Variants in CECR2 observed in about 807,000 individuals in gnomAD.
CECR2 encodes the protein chromatin remodeling regulator CECR2.
A neutral mutation model predicts 154.5 loss-of-function variants in CECR2; 30 were observed. That is an observed-to-expected ratio of 0.19 (90% CI 0.15 to 0.26). The LOEUF (loss-of-function observed/expected upper bound fraction) is 0.26, where lower values mean the gene tolerates loss of function less well. CECR2 is among the 10% of genes least tolerant of loss of function. The probability of loss-of-function intolerance (pLI) is 1.00; values close to 1 mark genes in which losing one functional copy is unlikely to be tolerated. For missense variants in CECR2, 1,743 were observed against 1,829.3 expected (o/e 0.95, Z 0.86); for synonymous variants, 725 against 683.7 (o/e 1.06, Z -0.94).
intron 1 of CECR2, among the ~76,000 whole-genome samples, chr22:17,396,048 G>A (rs2053804563): frequency 1.4e-5 from 2 of 147,708 alleles, no homozygotes; most frequent in Non-Finnish European, 1.5e-5. Context: ...GAGACCAGTC[G>A]GGGCAATATA....
At chr22:17,480,973 G>A (rs1601428698) in intron 2 of CECR2, among the ~76,000 whole-genome samples, 1 of 150,402 alleles carries the variant, frequency 6.6e-6, no homozygotes, top group Non-Finnish European at 1.5e-5. Context: ...CCGGGAGGCG[G>A]AGGTTGCAGT....
chr22:17,538,979 T>C lies in CECR2; in HGVS notation c.1369-14T>C, dbSNP rs755016088. ...AGCATATTTTAACTATAAAGAGTTA[T>C]GTGTCTCGTTTAGGCCCCCATGGAT... On this transcript the variant is annotated splice_polypyrimidine_tract_variant and intron_variant, in intron 12 of 18. Coordinates refer to ENST00000262608, the MANE Select transcript of CECR2 (RefSeq NM_001290047.2). 20 of 1,611,696 alleles carry C rather than the reference T, an allele frequency of 1.2e-5. No homozygotes were observed. The highest frequency in any genetic ancestry group is 1.0e-4 in the Admixed American group (6 of 59,656).
intron 9 of CECR2, among the ~76,000 whole-genome samples, chr22:17,527,731 C>T (rs2056288383): frequency 6.8e-6 from 1 of 147,404 alleles, no homozygotes. Context: ...CAAGCCAAGA[C>T]TTCATTCCAG....
chr22:17,504,075 T>TAAATAAATAAATACAA (rs879844244), intron 6 of CECR2, among the ~76,000 whole-genome samples: 6 of 149,940 alleles, frequency 4.0e-5, no homozygotes, highest in Non-Finnish European at 5.9e-5. Context: ...AATAAATAAA[T>TAAATAAATAAATACAA]AAAATTTAAA....
chr22:17,392,173 G>T (rs564065810), intron 1 of CECR2, among the ~76,000 whole-genome samples: 1 of 152,312 alleles, frequency 6.6e-6, no homozygotes, highest in South Asian at 2.1e-4. Context: ...TGTAATCCCA[G>T]TCCTTTGGGA....
Position 17,454,120 on chromosome 22 carries a change from A to C in CECR2, c.127-23468A>C, listed in dbSNP as rs542486293. The stretch of plus-strand genomic sequence containing the variant: ...TAAAGAGTTTAGCACAGTGTGTAGC[A>C]CATAAGAGCTCAATACAAATTAGTT... On this transcript the variant is annotated intron_variant, in intron 1 of 18. Coordinates refer to ENST00000262608, the MANE Select transcript of CECR2 (RefSeq NM_001290047.2). Among the ~76,000 whole-genome samples, 3 of 152,314 alleles carry C rather than the reference A, an allele frequency of 2.0e-5. No individual in the cohort carries two copies. In the East Asian group the frequency reaches 5.8e-4, roughly 29 times the overall value.
At chr22:17,438,963 G>T (rs975568008) in intron 1 of CECR2, among the ~76,000 whole-genome samples, 1 of 152,058 alleles carries the variant, frequency 6.6e-6, no homozygotes, top group Non-Finnish European at 1.5e-5. Context: ...ATCACTTGAG[G>T]CCAGGACTTA....
At chr22:17,367,637 T>G (rs2063009201), upstream of CECR2, among the ~76,000 whole-genome samples, 2 of 152,182 alleles carry the variant, frequency 1.3e-5, no homozygotes, top group Non-Finnish European at 2.9e-5. Context: ...ACCACCCGCC[T>G]CGGCCTCCCA....
At position 17,499,404 on chromosome 22, in the gene CECR2, G is replaced by A. The variant is rs1329276340; in HGVS notation, c.406-6G>A. 1 of 1,612,802 alleles carries A rather than the reference G, an allele frequency of 6.2e-7. No homozygotes were observed. The highest frequency in any genetic ancestry group is 8.5e-7 in the Non-Finnish European group (1 of 1,179,474). ...TCCCCAAACCCCTTTTCCGTGCTCT[G>A]TGTAGGGCCTGGATGCAGACAGTCT... On this transcript the variant is annotated splice_region_variant and splice_polypyrimidine_tract_variant and intron_variant, in intron 3 of 18. Coordinates refer to ENST00000262608, the MANE Select transcript of CECR2 (RefSeq NM_001290047.2).
intron 16 of CECR2, among the ~76,000 whole-genome samples, chr22:17,544,622 CCAA>C (rs1490240774): frequency 4.6e-5 from 7 of 151,312 alleles, no homozygotes; most frequent in African/African-American, 1.7e-4. Context: ...ACCAGCCTGC[CCAA>C]CATGGCAAAA....
intron 1 of CECR2, chr22:17,419,549 G>A (rs1296398772): frequency 2.2e-5 from 4 of 179,370 alleles, no homozygotes; most frequent in South Asian, 1.1e-4. Flanking sequence ...AAGAGGAAGA[G>A]GAGGAGGAGG....
chr22:17,498,547 T>A (rs1452043523), intron 3 of CECR2, among the ~76,000 whole-genome samples: 1 of 152,180 alleles, frequency 6.6e-6, no homozygotes, highest in Non-Finnish European at 1.5e-5. Flanking sequence ...AAAAAATCAT[T>A]GTGTAATTTA....
intron 3 of CECR2, among the ~76,000 whole-genome samples, chr22:17,498,405 A>AAT (rs397722398): frequency 1.3e-5 from 2 of 150,480 alleles, no homozygotes; most frequent in East Asian, 3.9e-4. Context: ...AAAAAAAAAA[A>AAT]GTATATCCTC....
At chr22:17,462,919 T>A (rs59563899) in intron 1 of CECR2, among the ~76,000 whole-genome samples, 2 of 151,414 alleles carry the variant, frequency 1.3e-5, no homozygotes, top group African/African-American at 2.5e-5. Context: ...CTCAAAAAAA[T>A]TTATTAAATA....
intron 1 of CECR2, among the ~76,000 whole-genome samples, chr22:17,446,034 G>A (rs2054656326): frequency 6.6e-6 from 1 of 152,196 alleles, no homozygotes; most frequent in Admixed American, 6.5e-5. Flanking sequence ...CCCTGTGGAT[G>A]TGGAGGGTGA....
chr22:17,502,010 A>G (rs2055747107), intron 5 of CECR2, among the ~76,000 whole-genome samples: 1 of 152,216 alleles, frequency 6.6e-6, no homozygotes, highest in Non-Finnish European at 1.5e-5. Context: ...TTTATTGGAT[A>G]ATGCCAATAT....
intron 1 of CECR2, among the ~76,000 whole-genome samples, chr22:17,449,407 T>C (rs1212585339): frequency 2.6e-5 from 4 of 151,758 alleles, no homozygotes; most frequent in Non-Finnish European, 4.4e-5. Context: ...TTGGCACCAC[T>C]ATTCACCTAA....
chr22:17,496,415 G>A (rs565308902), intron 2 of CECR2, among the ~76,000 whole-genome samples: 1 of 151,962 alleles, frequency 6.6e-6, no homozygotes, highest in South Asian at 2.1e-4. Flanking sequence ...CAGGAGAATG[G>A]CATGAACCCG....
intron 7 of CECR2, 26 bp from the exon 8 acceptor site, chr22:17,511,787 T>C (rs749175883): frequency 2.7e-5 from 43 of 1,593,336 alleles, no homozygotes; most frequent in Non-Finnish European, 3.7e-5. Flanking sequence ...TATCTTTTCC[T>C]TTCTCTTCTT....
Sources: gnomAD v4.1 joint callset for allele counts (sites outside exome capture counted in the v4.1 genomes callset) on GRCh38, gnomAD v4.1.1 for gene constraint, MANE v1.5 for transcripts, NCBI Gene and HGNC (gene_info 2026-07-23, HGNC 2026-07-21) for gene names.